The following SLC25A25 variants were observed in gnomAD, a reference collection of about 807,000 sequenced individuals.
SLC25A25 encodes the protein mitochondrial adenyl nucleotide antiporter SLC25A25.
SLC25A25 carries 32 observed loss-of-function variants against 57.7 expected under a neutral mutation model. That is an observed-to-expected ratio of 0.55 (90% CI 0.42 to 0.74). SLC25A25 has a LOEUF of 0.74. Among genes scored for constraint, SLC25A25 ranks in the 30% least tolerant of loss-of-function variants. The probability of loss-of-function intolerance (pLI) is 0.00; values close to 1 mark genes in which losing one functional copy is unlikely to be tolerated. For missense variants in SLC25A25, 556 were observed against 701.3 expected (o/e 0.79, Z 2.34); for synonymous variants, 306 against 291.2 (o/e 1.05, Z -0.52).
chr9:128,092,200 G>A, intron 1 of SLC25A25: 1 of 1,381,108 alleles, frequency 7.2e-7, no homozygotes, highest in East Asian at 2.4e-5. Flanking sequence ...TTAGTTCGGG[G>A]TTCAGGGAGA....
intron 1 of SLC25A25, among the ~76,000 whole-genome samples, chr9:128,094,062 C>A (rs2130805737): frequency 6.6e-6 from 1 of 152,262 alleles, no homozygotes; most frequent in Non-Finnish European, 1.5e-5. Context: ...ACAGGAGAAT[C>A]GCTTGAATCC....
intron 1 of SLC25A25, among the ~76,000 whole-genome samples, chr9:128,088,333 G>T (rs1347920279): frequency 6.6e-6 from 1 of 152,186 alleles, no homozygotes; most frequent in African/African-American, 2.4e-5. Flanking sequence ...CTTTGGGATG[G>T]TTCTTTCCCC....
rs200329611 is a variant in SLC25A25 at position 128,085,475 on chromosome 9, A to AAT, written c.262-15612_262-15611dup. On this transcript the variant is annotated intron_variant, in intron 1 of 10. Coordinates refer to ENST00000373069, the MANE Select transcript of SLC25A25 (RefSeq NM_001330988.2). ...CAAGACCCTATCTTTGCATATATGC[A>AAT]ATATATATATTTAAACACATATAGG... Among the ~76,000 whole-genome samples the AAT allele has an allele frequency of 4.7e-3, 721 of 152,272 alleles. 4 individuals carry two copies. The highest frequency in any genetic ancestry group is 0.013 in the Admixed American group (198 of 15,288).
chr9:128,101,294 C>G lies in SLC25A25; in HGVS notation c.389-15C>G. 1 of 1,614,254 alleles carries G rather than the reference C, an allele frequency of 6.2e-7. No individual in the cohort carries two copies. The highest frequency in any genetic ancestry group is 8.5e-7 in the Non-Finnish European group (1 of 1,180,042). ...CCGTGCGCCTGGCTCCTGCTCACGGCCTCTGTTCTTGCAGGACGCATTGAC... is the reference window on the plus strand; with the variant it reads ...CCGTGCGCCTGGCTCCTGCTCACGGGCTCTGTTCTTGCAGGACGCATTGAC... On this transcript the variant is annotated splice_polypyrimidine_tract_variant and intron_variant, in intron 2 of 10. Transcript: ENST00000373069. The surrounding 1 kb of genome is among the most constrained non-coding windows in gnomAD (Gnocchi z 4.9).
At chr9:128,104,102 G>C (rs1208336014) in intron 6 of SLC25A25, among the ~76,000 whole-genome samples, 5 of 152,154 alleles carry the variant, frequency 3.3e-5, no homozygotes, top group African/African-American at 7.2e-5. Context: ...CGAGACTGGG[G>C]TGAGGCAGGA....
At chr9:128,105,390 C>T (rs1056136373) in intron 6 of SLC25A25, among the ~76,000 whole-genome samples, 6 of 151,862 alleles carry the variant, frequency 4.0e-5, no homozygotes, top group African/African-American at 1.2e-4. Context: ...GGGCTGGTCT[C>T]GAACTCCTGA....
chr9:128,070,731 C>A (rs534971063), intron 1 of SLC25A25, among the ~76,000 whole-genome samples: 2 of 151,164 alleles, frequency 1.3e-5, no homozygotes, highest in South Asian at 4.2e-4. Context: ...CCGGGTGGAT[C>A]ACCTGAGGTC....
chr9:128,072,442 G>T (rs1277450595), intron 1 of SLC25A25, among the ~76,000 whole-genome samples: 3 of 152,220 alleles, frequency 2.0e-5, no homozygotes, highest in African/African-American at 7.2e-5. Flanking sequence ...ACGGGAATCA[G>T]CTGTGAGTGC....
rs1038502017 is a variant in SLC25A25 at position 128,103,782 on chromosome 9, A to C, written c.726A>C (p.Ala242=). ...GACACCTGGTGGCAGGAGGTGGGGC[A>C]GGGGCCGTATCCAGAACCTGCACGG... ...WWRHLVAGGG[A]GAVSRTCTAP... The change falls in exon 6 of 11, where the codon GCA becomes GCC. Residue 242 remains alanine (A), a synonymous_variant. Coordinates refer to ENST00000373069, the MANE Select transcript of SLC25A25 (RefSeq NM_001330988.2). This position sits in a 1 kb window ranked among gnomAD's most constrained non-coding sequence, Gnocchi z 6.7. 2 of 1,613,636 alleles carry C rather than the reference A, an allele frequency of 1.2e-6. No individual in the cohort carries two copies. The highest frequency in any genetic ancestry group is 2.2e-5 in the South Asian group (2 of 91,050).
At chr9:128,079,018 C>T (rs1052381480) in intron 1 of SLC25A25, among the ~76,000 whole-genome samples, 3 of 152,224 alleles carry the variant, frequency 2.0e-5, no homozygotes, top group East Asian at 3.9e-4. Flanking sequence ...GTTCCTAATA[C>T]GGGATATAAA....
In SLC25A25 at chr9:128,102,067, G is replaced by A; in HGVS notation, c.477-13G>A. 1 of 1,550,514 alleles carries A rather than the reference G, an allele frequency of 6.4e-7. No homozygotes were observed. The highest frequency in any genetic ancestry group is 8.7e-7 in the Non-Finnish European group (1 of 1,146,940). On this transcript the variant is annotated splice_polypyrimidine_tract_variant and intron_variant, in intron 3 of 10. Coordinates refer to ENST00000373069, the MANE Select transcript of SLC25A25 (RefSeq NM_001330988.2). This position sits in a 1 kb window ranked among gnomAD's most constrained non-coding sequence, Gnocchi z 4.1. ...TTCTGCTCTCTCCTCCGCATCCTTT[G>A]TCTGTCTGTCAGAATACGAACGGGC...
intron 1 of SLC25A25, among the ~76,000 whole-genome samples, chr9:128,092,911 C>T (rs1833450691): frequency 1.3e-5 from 2 of 152,192 alleles, no homozygotes; most frequent in African/African-American, 4.8e-5. Flanking sequence ...TAATGGAGTG[C>T]TCAGTATTAG....
intron 1 of SLC25A25, among the ~76,000 whole-genome samples, chr9:128,078,776 G>A (rs763626794): frequency 6.6e-6 from 1 of 152,192 alleles, no homozygotes; most frequent in East Asian, 1.9e-4. Flanking sequence ...CTCGGAGGCT[G>A]GGTTGCTTGG....
At chr9:128,071,202 C>T (rs530497376) in intron 1 of SLC25A25, among the ~76,000 whole-genome samples, 1 of 152,122 alleles carries the variant, frequency 6.6e-6, no homozygotes, top group Non-Finnish European at 1.5e-5. Flanking sequence ...GTGAATTTCT[C>T]GGGGCAAATA....
At chr9:128,079,603 CAAAA>C (rs531439672) in intron 1 of SLC25A25, among the ~76,000 whole-genome samples, 10 of 48,044 alleles carry the variant, frequency 2.1e-4, no homozygotes, top group South Asian at 1.5e-3. Flanking sequence ...ACTAAAAATA[CAAAA>C]AAAAAAAAAA....
At chr9:128,081,927 T>TAAA (rs1032144450) in intron 1 of SLC25A25, among the ~76,000 whole-genome samples, 1 of 151,536 alleles carries the variant, frequency 6.6e-6, no homozygotes, top group African/African-American at 2.4e-5. Flanking sequence ...TCAAAAAAAA[T>TAAA]AAAGTAGAAA....
intron 1 of SLC25A25, among the ~76,000 whole-genome samples, chr9:128,088,965 G>C (rs10760535): frequency 6.6e-6 from 1 of 151,708 alleles, no homozygotes; most frequent in Non-Finnish European, 1.5e-5. Flanking sequence ...CACTCTGTCA[G>C]CCAGGCTGCA....
intron 1 of SLC25A25, among the ~76,000 whole-genome samples, chr9:128,071,443 T>G (rs1455319060): frequency 6.6e-6 from 1 of 152,176 alleles, no homozygotes; most frequent in Non-Finnish European, 1.5e-5. Flanking sequence ...GTTGCACTTT[T>G]GTTGCCCAAG....
rs1588738206 is a variant in SLC25A25, at chr9:128,068,277, G to C, written c.-43G>C. ...CCCGCGCGGTCACCGCCGGCCCGCC[G>C]CCCCCGCTCCCGCCCGCGCCCGGAG... On this transcript the variant is annotated 5_prime_UTR_variant, in exon 1 of 11. Transcript: ENST00000373069. The C allele has an allele frequency of 8.4e-7, 1 of 1,190,634 alleles. No individual in the cohort carries two copies. Among genetic ancestry groups the C allele is most frequent in the Non-Finnish European group, 1.1e-6 (1 of 938,756 alleles). The allele number at this position is 1,190,634 out of a possible 1,614,324, so 73.8% of individuals were successfully genotyped here.
Sources: allele counts gnomAD v4.1 joint callset (sites outside exome capture counted in the v4.1 genomes callset), GRCh38; gene constraint gnomAD v4.1.1; non-coding constraint Gnocchi (gnomAD v3.1); transcripts MANE v1.5; gene names NCBI Gene and HGNC (gene_info 2026-07-23, HGNC 2026-07-21).